Variants in CADPS observed in about 807,000 individuals in gnomAD.
The protein encoded by CADPS is calcium-dependent secretion activator 1.
Under a neutral mutation model 167.3 loss-of-function variants are expected in CADPS, and 57 were observed. The ratio of observed to expected loss-of-function variants is 0.34; its 90% CI spans 0.28 to 0.42. The LOEUF is 0.42. Among genes scored for constraint, CADPS ranks in the 20% least tolerant of loss-of-function variants. The pLI is 1.00. For missense variants in CADPS, 1,414 were observed against 1,738.1 expected (o/e 0.81, Z 3.32); for synonymous variants, 676 against 635.3 (o/e 1.06, Z -0.96).
rs187018849 is a variant in CADPS, at chr3:62,405,283, C to T, written c.3778-2098G>A. The stretch of plus-strand genomic sequence containing the variant: ...CAATTCCAGGGCCTCATGAGGGGTA[C>T]ATCTCAGGGACACAAAAGAGGAGTG... On this transcript the variant is annotated intron_variant, in intron 28 of 29. Transcript: ENST00000383710. 1.3e-4 allele frequency among the ~76,000 whole-genome samples: 20 copies of T among 151,804 alleles called. No individual in the cohort carries two copies. In the East Asian group the frequency reaches 3.7e-3, roughly 28 times the overall value.
At chr3:62,738,720 C>G (rs1368153545) in intron 3 of CADPS, among the ~76,000 whole-genome samples, 2 of 151,960 alleles carry the variant, frequency 1.3e-5, no homozygotes, top group African/African-American at 4.8e-5. Context: ...GAGTGAAACT[C>G]CGTCTCAAAA....
intron 12 of CADPS, among the ~76,000 whole-genome samples, chr3:62,534,722 A>T (rs1488437621): frequency 6.6e-6 from 1 of 152,206 alleles, no homozygotes; most frequent in East Asian, 1.9e-4. Flanking sequence ...AACTGAAAAA[A>T]AGATTGTAAT....
chr3:62,734,767 G>GTGCATATCC (rs1471866306), intron 3 of CADPS, among the ~76,000 whole-genome samples: 3 of 152,066 alleles, frequency 2.0e-5, no homozygotes, highest in African/African-American at 7.2e-5. Context: ...AAATATTCTT[G>GTGCATATCC]TGCATATCTT....
chr3:62,750,546 T>C (rs2082480821), intron 3 of CADPS, among the ~76,000 whole-genome samples: 1 of 152,164 alleles, frequency 6.6e-6, no homozygotes, highest in Non-Finnish European at 1.5e-5. Flanking sequence ...TTGTTGAGAC[T>C]TTTGGTATTT....
At chr3:62,503,362 T>A (rs1241768530) in intron 17 of CADPS, among the ~76,000 whole-genome samples, 1 of 152,204 alleles carries the variant, frequency 6.6e-6, no homozygotes, top group Non-Finnish European at 1.5e-5. Flanking sequence ...ATTGAGAGTA[T>A]CTTTTCTTGT....
chr3:62,443,529 C>T (rs1225224952), intron 27 of CADPS, among the ~76,000 whole-genome samples: 1 of 152,108 alleles, frequency 6.6e-6, no homozygotes, highest in Non-Finnish European at 1.5e-5. Context: ...CCCCAAGTAT[C>T]ATGGGAGGGA....
intron 8 of CADPS, among the ~76,000 whole-genome samples, chr3:62,577,169 GGGTAGCACCCAT>G (rs2082453612): frequency 6.6e-6 from 1 of 152,138 alleles, no homozygotes; most frequent in African/African-American, 2.4e-5. Context: ...CTACTTGGTA[GGGTAGCACCCAT>G]GGCAATGCTT....
intron 13 of CADPS, among the ~76,000 whole-genome samples, chr3:62,522,225 A>G (rs886537754): frequency 6.6e-6 from 1 of 152,050 alleles, no homozygotes; most frequent in Non-Finnish European, 1.5e-5. Context: ...CAGCATTGAC[A>G]TCTCAAGCTC....
chr3:62,449,742 A>G (rs942129257), intron 26 of CADPS, among the ~76,000 whole-genome samples: 6 of 152,128 alleles, frequency 3.9e-5, no homozygotes, highest in Non-Finnish European at 8.8e-5. Context: ...AAAGCACTAT[A>G]TAATATAGTA....
intron 3 of CADPS, among the ~76,000 whole-genome samples, chr3:62,734,756 C>A (rs2078647852): frequency 6.6e-6 from 1 of 152,126 alleles, no homozygotes. Context: ...AAAACTGCTA[C>A]AAATATTCTT....
chr3:62,782,979 C>A (rs2091916099), intron 1 of CADPS, among the ~76,000 whole-genome samples: 1 of 152,064 alleles, frequency 6.6e-6, no homozygotes, highest in Non-Finnish European at 1.5e-5. Context: ...AGGCTGGTCT[C>A]AAACTCCTGA....
rs753367600 is a variant in CADPS at position 62,730,049 on chromosome 3, C to T, written c.888+23392G>A. Reference sequence around the variant, plus strand: ...CAATTCATGATATTGGATACATTGGCTGCTCTATCAGCCAGAGTCTCTGAA... The same window carrying T: ...CAATTCATGATATTGGATACATTGGTTGCTCTATCAGCCAGAGTCTCTGAA... On this transcript the variant is annotated intron_variant, in intron 3 of 29. Coordinates refer to ENST00000383710, the MANE Select transcript of CADPS (RefSeq NM_003716.4). Among the ~76,000 whole-genome samples the T allele has an allele frequency of 9.2e-5, 14 of 151,918 alleles. 1 individual carries two copies. Among genetic ancestry groups the T allele is most frequent in the African/African-American group, 2.7e-4 (11 of 41,188 alleles).
rs80278900 is a variant in CADPS at position 62,846,673 on chromosome 3, C to T, written c.441+27916G>A. ...TGTTTTTTGGTATTTTTTTGTTTTG[C>T]TTTTTGTTTTTTGAGACGGAGTCTT... On this transcript the variant is annotated intron_variant, in intron 1 of 29. Coordinates refer to ENST00000383710, the MANE Select transcript of CADPS (RefSeq NM_003716.4). Among the ~76,000 whole-genome samples, 988 of 151,912 alleles carry T rather than the reference C, an allele frequency of 6.5e-3. 13 individuals are homozygous for T. The highest frequency in any genetic ancestry group is 0.022 in the African/African-American group (918 of 41,446).
chr3:62,860,595 G>T (rs1401781389), intron 1 of CADPS, among the ~76,000 whole-genome samples: 1 of 152,108 alleles, frequency 6.6e-6, no homozygotes, highest in African/African-American at 2.4e-5. Flanking sequence ...ACCCACGTTG[G>T]TCAAGGGCCA....
At chr3:62,517,789 G>T (rs915947554) in intron 14 of CADPS, among the ~76,000 whole-genome samples, 1 of 152,120 alleles carries the variant, frequency 6.6e-6, no homozygotes, top group Non-Finnish European at 1.5e-5. Context: ...ACTCTCCTAG[G>T]AGTATCACTG....
chr3:62,412,146 ATTTTT>A lies in CADPS; in HGVS notation c.3778-8966_3778-8962del, dbSNP rs60203483. On this transcript the variant is annotated intron_variant, in intron 28 of 29. Transcript: ENST00000383710. This position sits in a 1 kb window ranked among gnomAD's most constrained non-coding sequence, Gnocchi z 4.1. ...AGTGTCATTTTTAGTTGAGGGTAGG[ATTTTT>A]TTTTTTTTTTTTTAACGTCCGTAAT... 2.2e-4 allele frequency among the ~76,000 whole-genome samples: 31 copies of A among 140,492 alleles called. No individual in the cohort carries two copies. The highest frequency in any genetic ancestry group is 3.5e-3 in the Middle Eastern group (1 of 288). 92.2% of individuals were successfully genotyped at this position (140,492 alleles called of 152,430 possible). A position where few individuals can be genotyped will look rare whatever the true frequency, so the allele number is the denominator to read the frequency against.
chr3:62,621,844 G>C (rs1474966606), intron 6 of CADPS, among the ~76,000 whole-genome samples: 2 of 149,706 alleles, frequency 1.3e-5, no homozygotes, highest in South Asian at 2.1e-4. Flanking sequence ...TGAGGTATTT[G>C]TTTTTCTGTT....
Position 62,836,062 on chromosome 3 carries a change from A to C in CADPS, c.441+38527T>G, listed in dbSNP as rs183165886. On this transcript the variant is annotated intron_variant, in intron 1 of 29. Coordinates refer to ENST00000383710, the MANE Select transcript of CADPS (RefSeq NM_003716.4). ...TAGTTTTGTTGAGCACCCTCTGGTT[A>C]ATCCAGTGTTTCCTAACCTTGGATG... Among the ~76,000 whole-genome samples, 1,119 of 152,258 alleles carry C rather than the reference A, an allele frequency of 7.3e-3. 11 individuals carry two copies. Among genetic ancestry groups the C allele is most frequent in the Middle Eastern group, 0.044 (13 of 294 alleles).
chr3:62,775,030 T>C (rs912852533), intron 1 of CADPS, among the ~76,000 whole-genome samples: 2 of 152,026 alleles, frequency 1.3e-5, no homozygotes, highest in Non-Finnish European at 2.9e-5. Context: ...GTTTTTTTTT[T>C]AATTTTTGTT....
Sources: allele counts gnomAD v4.1 joint callset (sites outside exome capture counted in the v4.1 genomes callset), GRCh38; gene constraint gnomAD v4.1.1; non-coding constraint Gnocchi (gnomAD v3.1); transcripts MANE v1.5; gene names NCBI Gene and HGNC (gene_info 2026-07-23, HGNC 2026-07-21).